The following GRIK4 variants were observed in gnomAD, a reference collection of about 807,000 sequenced individuals.
The protein encoded by GRIK4 is glutamate ionotropic receptor kainate type subunit 4.
In GRIK4, 40 loss-of-function variants were observed where a neutral mutation model predicts 104.9. The observed-to-expected ratio is 0.38, with a 90% CI of 0.30 to 0.50. GRIK4 has a LOEUF of 0.50. GRIK4 is among the 20% of genes least tolerant of loss of function. The probability of loss-of-function intolerance (pLI) is 0.93; values close to 1 mark genes in which losing one functional copy is unlikely to be tolerated. For missense variants in GRIK4, 1,047 were observed against 1,308.1 expected, an observed-to-expected ratio of 0.80 and a Z score of 3.08; for synonymous variants, 485 against 524.9, an observed-to-expected ratio of 0.92 and a Z score of 1.04.
intron 1 of GRIK4, among the ~76,000 whole-genome samples, chr11:120,557,193 C>G (rs555016012): frequency 6.6e-6 from 1 of 152,150 alleles, no homozygotes; most frequent in Admixed American, 6.5e-5. Flanking sequence ...ACTGGAGGAC[C>G]GGATAGAATT....
intron 1 of GRIK4, among the ~76,000 whole-genome samples, chr11:120,610,365 A>G (rs1019017595): frequency 6.6e-6 from 1 of 152,246 alleles, no homozygotes; most frequent in African/African-American, 2.4e-5. Flanking sequence ...TGAAGACAAA[A>G]TATACACTCA....
chr11:120,791,731 T>A (rs2135492739), intron 3 of GRIK4, among the ~76,000 whole-genome samples: 1 of 152,324 alleles, frequency 6.6e-6, no homozygotes, highest in Non-Finnish European at 1.5e-5. Flanking sequence ...TACCGTTATG[T>A]CTATGGTCCA....
At chr11:120,640,528 AAAAT>A (rs1949457028) in intron 1 of GRIK4, among the ~76,000 whole-genome samples, 1 of 152,192 alleles carries the variant, frequency 6.6e-6, no homozygotes, top group Non-Finnish European at 1.5e-5. Flanking sequence ...AATTTAAAAA[AAAAT>A]AAGACCCCAA....
At chr11:120,569,651 G>C (rs4310631) in intron 1 of GRIK4, among the ~76,000 whole-genome samples, 114,104 of 152,076 alleles carry the variant, frequency 0.75, 43,073 homozygotes, top group Admixed American at 0.82. Context: ...TGCGTAGAGT[G>C]ACTTTGGGGA....
chr11:120,547,584 A>G (rs1948097762), intron 1 of GRIK4, among the ~76,000 whole-genome samples: 1 of 146,640 alleles, frequency 6.8e-6, no homozygotes, highest in Admixed American at 6.6e-5. Flanking sequence ...TTGTTTCCAG[A>G]CATTCAGGGA....
At chr11:120,642,725 G>A (rs954729275) in intron 1 of GRIK4, among the ~76,000 whole-genome samples, 2 of 152,144 alleles carry the variant, frequency 1.3e-5, no homozygotes, top group African/African-American at 2.4e-5. Context: ...GGCCAGCAGC[G>A]GCCTTGGGTT....
chr11:120,915,721 C>T (rs1264346474), intron 13 of GRIK4, among the ~76,000 whole-genome samples: 1 of 152,164 alleles, frequency 6.6e-6, no homozygotes, highest in Non-Finnish European at 1.5e-5. Flanking sequence ...AAAGCCGAGC[C>T]ACCAGGAGGG....
intron 1 of GRIK4, among the ~76,000 whole-genome samples, chr11:120,560,357 G>T (rs553344119): frequency 2.0e-5 from 3 of 151,994 alleles, no homozygotes; most frequent in Admixed American, 6.6e-5. Context: ...TGGCCTCCAA[G>T]CAGATTTTAA....
intron 13 of GRIK4, among the ~76,000 whole-genome samples, chr11:120,928,429 G>A (rs944462623): frequency 1.3e-5 from 2 of 152,090 alleles, no homozygotes; most frequent in African/African-American, 2.4e-5. Context: ...GGAAACTGAA[G>A]CTCAGATTTC....
chr11:120,814,040 C>T (rs186941857), intron 4 of GRIK4, among the ~76,000 whole-genome samples: 2 of 152,204 alleles, frequency 1.3e-5, no homozygotes, highest in African/African-American at 2.4e-5. Context: ...ATTCTCTCCC[C>T]CTCCTCTGAT....
At chr11:120,697,246 A>G (rs1280008951) in intron 3 of GRIK4, among the ~76,000 whole-genome samples, 1 of 152,244 alleles carries the variant, frequency 6.6e-6, no homozygotes, top group Non-Finnish European at 1.5e-5. Context: ...ACAGTGGCAG[A>G]CAGTCCTCAG....
chr11:120,962,334 G>C, intron 17 of GRIK4, 122 bp from the exon 18 acceptor site: 1 of 642,438 alleles, frequency 1.6e-6, no homozygotes. Flanking sequence ...GTTCTTGACT[G>C]TGATCAGCGG....
At chr11:120,518,492 C>T (rs1031920819) in intron 1 of GRIK4, among the ~76,000 whole-genome samples, 4 of 152,018 alleles carry the variant, frequency 2.6e-5, no homozygotes, top group Non-Finnish European at 5.9e-5. Context: ...TGGGTTTAGT[C>T]CAAGCCCCAG....
At chr11:120,624,322 T>C (rs1949227338) in intron 1 of GRIK4, among the ~76,000 whole-genome samples, 1 of 151,920 alleles carries the variant, frequency 6.6e-6, no homozygotes, top group African/African-American at 2.4e-5. Context: ...TGGGGCCCCA[T>C]GGGGCAGAAA....
intron 12 of GRIK4, among the ~76,000 whole-genome samples, chr11:120,899,660 CTTCCCCT>C (rs1942679543): frequency 6.6e-6 from 1 of 152,176 alleles, no homozygotes; most frequent in African/African-American, 2.4e-5. Context: ...TATTATTTGT[CTTCCCCT>C]CTGAAGACCT....
At chr11:120,811,264 G>A (rs1310569534) in intron 4 of GRIK4, among the ~76,000 whole-genome samples, 2 of 152,132 alleles carry the variant, frequency 1.3e-5, no homozygotes, top group Non-Finnish European at 2.9e-5. Flanking sequence ...TTATAAAAAG[G>A]AATACATGCT....
intron 1 of GRIK4, among the ~76,000 whole-genome samples, chr11:120,581,868 G>A (rs1172732511): frequency 1.3e-5 from 2 of 151,406 alleles, no homozygotes; most frequent in African/African-American, 2.4e-5. Context: ...GTGCAGTGGC[G>A]TGATCTCGGC....
chr11:120,873,263 C>G (rs1396088234), intron 9 of GRIK4: 1 of 152,536 alleles, frequency 6.6e-6, no homozygotes, highest in Non-Finnish European at 1.5e-5. Flanking sequence ...GTCTTTGTTC[C>G]TGCAGTTCCA....
chr11:120,653,951 T>C (rs1315364098), intron 2 of GRIK4, among the ~76,000 whole-genome samples, 159 bp downstream of exon 2: 1 of 152,196 alleles, frequency 6.6e-6, no homozygotes, highest in African/African-American at 2.4e-5. Context: ...TCAGCAAGGC[T>C]CCTACCTGTT....
Sources: allele counts gnomAD v4.1 joint callset (sites outside exome capture counted in the v4.1 genomes callset), GRCh38; gene constraint gnomAD v4.1.1; transcripts MANE v1.5; gene names NCBI Gene and HGNC (gene_info 2026-07-23, HGNC 2026-07-21).